Variants in POU2F1 observed in about 807,000 individuals in gnomAD.
POU2F1 encodes POU class 2 homeobox 1.
POU2F1 carries 16 observed loss-of-function variants against 84.9 expected under a neutral mutation model. The ratio of observed to expected loss-of-function variants is 0.19; its 90% CI spans 0.13 to 0.29. The LOEUF (loss-of-function observed/expected upper bound fraction) is 0.29, where lower values mean the gene tolerates loss of function less well. POU2F1 is among the 10% of genes least tolerant of loss of function. The pLI is 1.00. For synonymous variants in POU2F1, 368 were observed against 368.3 expected, an observed-to-expected ratio of 1.00 and a Z score of 0.01; for missense variants, 738 against 942.6, an observed-to-expected ratio of 0.78 and a Z score of 2.84.
intron 1 of POU2F1, among the ~76,000 whole-genome samples, chr1:167,305,428 G>T (rs150267261): frequency 6.6e-6 from 1 of 152,034 alleles, no homozygotes; most frequent in Non-Finnish European, 1.5e-5. Context: ...TTGAACTCCT[G>T]AGCTCAGGCA....
intron 1 of POU2F1, among the ~76,000 whole-genome samples, chr1:167,241,853 G>A (rs1364557283): frequency 6.6e-6 from 1 of 152,176 alleles, no homozygotes; most frequent in Non-Finnish European, 1.5e-5. Context: ...AAGTGGTAGT[G>A]TTAAAAATAA....
intron 1 of POU2F1, among the ~76,000 whole-genome samples, chr1:167,232,354 G>A (rs111529087): frequency 0.034 from 5,241 of 152,226 alleles, 165 homozygotes; most frequent in African/African-American, 0.085. Flanking sequence ...TCCTGACCCT[G>A]TGTGGGCCTA....
chr1:167,376,168 T>A lies in POU2F1; in HGVS notation c.718+13T>A. The A allele has an allele frequency of 1.2e-6, 2 of 1,613,836 alleles. No homozygotes were observed. Among genetic ancestry groups the A allele is most frequent in the Non-Finnish European group, 1.7e-6 (2 of 1,179,864 alleles). ...CAGGGCCAGCAGGGTGAGCTCCTCC[T>A]TAGAGCTTATTAGTGGTATACCAAG... On this transcript the variant is annotated intron_variant, in intron 7 of 15. Transcript: ENST00000367866.
chr1:167,348,256 A>G lies in POU2F1; in HGVS notation c.127+15721A>G, dbSNP rs371413364. Among the ~76,000 whole-genome samples, 38 of 152,320 alleles carry G rather than the reference A, an allele frequency of 2.5e-4. No individual in the cohort carries two copies. The South Asian group carries it at 7.7e-3, about 31-fold the overall frequency. ...CACAGTGGTATTTGTGTATCTAAAC[A>G]TAGAAAAGGTACAGTAAAAATAGGG... On this transcript the variant is annotated intron_variant, in intron 2 of 15. Coordinates refer to ENST00000367866, the MANE Select transcript of POU2F1 (RefSeq NM_002697.4).
Position 167,414,336 on chromosome 1 carries a change from A to T in POU2F1, c.1991-1164A>T, listed in dbSNP as rs1370903576. On this transcript the variant is annotated intron_variant, in intron 15 of 15. Transcript: ENST00000367866. ...AAAGGCAAAATGTCTTCCCTAGGGC[A>T]TGATTGACACTCTGAAAAGATACTA... 3 of 985,246 alleles carry T rather than the reference A, an allele frequency of 3.0e-6. No homozygotes were observed. In the African/African-American group the frequency reaches 5.2e-5, roughly 17 times the overall value. The allele number at this position is 985,246 out of a possible 1,614,324, so 61.0% of individuals were successfully genotyped here. A position where few individuals can be genotyped will look rare whatever the true frequency, so the allele number is the denominator to read the frequency against.
chr1:167,412,013 C>G lies in POU2F1; in HGVS notation c.1610C>G (p.Pro537Arg), dbSNP rs780641145. The G allele has an allele frequency of 1.9e-6, 3 of 1,614,058 alleles. No homozygotes were observed. In the African/African-American group the frequency reaches 4.0e-5, roughly 22 times the overall value. Residue 537 changes from proline (P) to arginine (R), a missense_variant, in exon 14 of 16, where the codon CCA becomes CGA. Pro to Arg is a moderately radical substitution (Grantham distance 103, BLOSUM62 -2). Transcript: ENST00000367866. ...GCAACCGTGATTTCCACAGCGCCTC[C>G]AGCTTCCTCAGCAGTCACGTCCCCC... ...NTATVISTAP[P>R]ASSAVTSPSL...
At chr1:167,390,192 C>T (rs1648295350) in intron 9 of POU2F1, among the ~76,000 whole-genome samples, 2 of 152,292 alleles carry the variant, frequency 1.3e-5, no homozygotes. Context: ...ACAATATGTT[C>T]CTCAGCCATG....
chr1:167,410,253 T>C (rs1571464608), intron 13 of POU2F1, among the ~76,000 whole-genome samples: 1 of 152,244 alleles, frequency 6.6e-6, no homozygotes, highest in African/African-American at 2.4e-5. Context: ...GCAGCCACTT[T>C]TGCACAGCTT....
rs1653972227 is a variant in POU2F1 at position 167,292,171 on chromosome 1, C to A, written c.62-40299C>A. Among the ~76,000 whole-genome samples, 4 of 151,858 alleles carry A rather than the reference C, an allele frequency of 2.6e-5. No homozygotes were observed. The South Asian group carries it at 8.3e-4, about 32-fold the overall frequency. On this transcript the variant is annotated intron_variant, in intron 1 of 15. Coordinates refer to ENST00000367866, the MANE Select transcript of POU2F1 (RefSeq NM_002697.4). ...GCTTTTTTGACTTGGTTTTCTGTTA[C>A]CATCTTTTTTGTCTCTATTATGATA...
At chr1:167,290,821 A>T (rs1221913640) in intron 1 of POU2F1, among the ~76,000 whole-genome samples, 1 of 152,202 alleles carries the variant, frequency 6.6e-6, no homozygotes, top group Non-Finnish European at 1.5e-5. Context: ...GGGGAGGATC[A>T]CTTGAGGCCA....
chr1:167,261,210 CTAGT>C (rs1208596567), intron 1 of POU2F1, among the ~76,000 whole-genome samples: 2 of 152,072 alleles, frequency 1.3e-5, no homozygotes, highest in South Asian at 2.1e-4. Context: ...GCTATAAGGA[CTAGT>C]TACAGTTTAT....
chr1:167,360,426 G>A (rs1659281216), intron 2 of POU2F1, among the ~76,000 whole-genome samples: 1 of 152,176 alleles, frequency 6.6e-6, no homozygotes, highest in African/African-American at 2.4e-5. Context: ...TGGTCAGCCA[G>A]TTTTCCCAGC....
At chr1:167,341,870 G>GATGGGGAGCTGGAAAGGGAATGGA (rs1362356527) in intron 2 of POU2F1, among the ~76,000 whole-genome samples, 1 of 152,168 alleles carries the variant, frequency 6.6e-6, no homozygotes, top group Non-Finnish European at 1.5e-5. Context: ...TAGCGGGATG[G>GATGGGGAGCTGGAAAGGGAATGGA]ATGGGGAGCT....
intron 1 of POU2F1, among the ~76,000 whole-genome samples, chr1:167,311,763 CA>C (rs1171634747): frequency 7.0e-5 from 10 of 142,854 alleles, no homozygotes; most frequent in African/African-American, 1.8e-4. Context: ...TGGGTTATTA[CA>C]AAAAATCATT....
At chr1:167,249,558 A>T (rs986695648) in intron 1 of POU2F1, among the ~76,000 whole-genome samples, 1 of 152,198 alleles carries the variant, frequency 6.6e-6, no homozygotes, top group Non-Finnish European at 1.5e-5. Context: ...CTTGACAGGA[A>T]TGTCATTCAT....
At chr1:167,286,301 C>G (rs533065223) in intron 1 of POU2F1, among the ~76,000 whole-genome samples, 1 of 152,240 alleles carries the variant, frequency 6.6e-6, no homozygotes, top group African/African-American at 2.4e-5. Flanking sequence ...AAATCAGATA[C>G]CTGTCAGTTT....
Position 167,374,190 on chromosome 1 carries a change from A to G in POU2F1, c.485A>G (p.Gln162Arg). 12 of 1,613,306 alleles carry G rather than the reference A, an allele frequency of 7.4e-6. No homozygotes were observed. Among genetic ancestry groups the G allele is most frequent in the Non-Finnish European group, 1.0e-5 (12 of 1,179,772 alleles). Residue 162 changes from glutamine to arginine, a missense_variant, in exon 6 of 16, where the codon CAG becomes CGG. By Grantham distance (43) the Gln-to-Arg change is conservative. Around this residue, in one of 4 missense-constraint regions of POU2F1, gnomAD observed 163 missense variants for 214.4 expected, o/e 0.76. Coordinates refer to ENST00000367866, the MANE Select transcript of POU2F1 (RefSeq NM_002697.4). ...CAGCTGCTGGCTGCTGCAGTGCAGC[A>G]GCACTCCGCCAGCCAGCAGCACAGT... ...QAQLLAAAVQ[Q>R]HSASQQHSAA...
chr1:167,304,462 T>C (rs1285874759), intron 1 of POU2F1, among the ~76,000 whole-genome samples: 2 of 152,204 alleles, frequency 1.3e-5, no homozygotes, highest in Non-Finnish European at 2.9e-5. Context: ...CTAAACTGTT[T>C]AGCCTGCTTA....
chr1:167,351,702 G>A (rs1658595384), intron 2 of POU2F1, among the ~76,000 whole-genome samples: 1 of 151,914 alleles, frequency 6.6e-6, no homozygotes, highest in Admixed American at 6.6e-5. Flanking sequence ...TAGATTCCAG[G>A]CTGGATATTT....
Sources: allele counts gnomAD v4.1 joint callset (sites outside exome capture counted in the v4.1 genomes callset), GRCh38; gene constraint gnomAD v4.1.1; regional missense constraint gnomAD v4.1.1; transcripts MANE v1.5; gene names NCBI Gene and HGNC (gene_info 2026-07-23, HGNC 2026-07-21).